HPSE2: variants seen among roughly 807,000 people sequenced by gnomAD.
The protein encoded by HPSE2 is heparanase 2 (inactive).
HPSE2 carries 38 observed loss-of-function variants against 60.5 expected under a neutral mutation model. The observed-to-expected ratio is 0.63, with a 90% CI of 0.48 to 0.82. The LOEUF (loss-of-function observed/expected upper bound fraction) is 0.82. HPSE2 is among the 40% of genes least tolerant of loss of function. The pLI is 0.00. For synonymous variants in HPSE2, 295 were observed against 293.2 expected, an observed-to-expected ratio of 1.01 and a Z score of -0.06; for missense variants, 713 against 740.4, an observed-to-expected ratio of 0.96 and a Z score of 0.43.
At chr10:98,590,038 G>A (rs1945045061) in intron 9 of HPSE2, among the ~76,000 whole-genome samples, 1 of 152,196 alleles carries the variant, frequency 6.6e-6, no homozygotes, top group Non-Finnish European at 1.5e-5. Flanking sequence ...CAGCTGTTGG[G>A]TCCAAGTTCC....
chr10:98,960,725 TATTTTTTTTA>T (rs1564692740), intron 3 of HPSE2, among the ~76,000 whole-genome samples: 26 of 46,290 alleles, frequency 5.6e-4, no homozygotes, highest in African/African-American at 2.7e-3. Flanking sequence ...TTTTTTGTTT[TATTTTTTTTA>T]TTTTATTTTT....
At chr10:98,820,825 C>T (rs894460614) in intron 3 of HPSE2, among the ~76,000 whole-genome samples, 2 of 152,162 alleles carry the variant, frequency 1.3e-5, no homozygotes, top group Admixed American at 6.5e-5. Context: ...GAGATAATCA[C>T]GAACTCTACT....
chr10:98,598,862 A>G (rs966813250), intron 9 of HPSE2, among the ~76,000 whole-genome samples: 6 of 151,886 alleles, frequency 4.0e-5, no homozygotes, highest in African/African-American at 2.4e-5. Flanking sequence ...GATCATGGGT[A>G]CTGGCTGGCA....
intron 6 of HPSE2, among the ~76,000 whole-genome samples, chr10:98,673,616 T>C (rs1669226923): frequency 6.6e-6 from 1 of 152,166 alleles, no homozygotes; most frequent in South Asian, 2.1e-4. Context: ...CCATCCTTCT[T>C]CTTTGGACCA....
chr10:99,052,394 C>T (rs978541628), intron 3 of HPSE2, among the ~76,000 whole-genome samples: 5 of 148,300 alleles, frequency 3.4e-5, no homozygotes, highest in African/African-American at 1.2e-4. Flanking sequence ...GAAAAAAAGA[C>T]AGGACAAAAT....
chr10:99,136,336 T>C (rs1845652304), intron 3 of HPSE2, among the ~76,000 whole-genome samples: 2 of 152,140 alleles, frequency 1.3e-5, no homozygotes, highest in Non-Finnish European at 2.9e-5. Context: ...TACCATTCCT[T>C]CTGAAACTAC....
In HPSE2 at chr10:99,185,773, C is replaced by CA. The variant is rs200522473; in HGVS notation, c.449-41375dup. Among the ~76,000 whole-genome samples the CA allele has an allele frequency of 2.3e-3, 335 of 143,652 alleles. 1 individual carries two copies. The highest frequency in any genetic ancestry group is 0.011 in the Middle Eastern group (3 of 280). The allele number at this position is 143,652 out of a possible 152,430, so 94.2% of individuals were successfully genotyped here. On this transcript the variant is annotated intron_variant, in intron 2 of 11. Coordinates refer to ENST00000370552, the MANE Select transcript of HPSE2 (RefSeq NM_021828.5). ...TGGGCGACAGAGTGAGACTCCATCTCAAAAAAAAAGAAAAAGAAAAAGAAA... is the reference window on the plus strand; with the variant it reads ...TGGGCGACAGAGTGAGACTCCATCTCAAAAAAAAAAGAAAAAGAAAAAGAAA...
chr10:99,304,239 A>G, the HPSE2 span, among the ~76,000 whole-genome samples: 1 of 152,188 alleles, frequency 6.6e-6, no homozygotes, highest in Admixed American at 6.5e-5. Flanking sequence ...CCATGGCAAC[A>G]CCCAGGAGTT....
At chr10:99,162,355 A>C (rs1440698714) in intron 2 of HPSE2, among the ~76,000 whole-genome samples, 1 of 152,218 alleles carries the variant, frequency 6.6e-6, no homozygotes. Context: ...TTCTCTGCAG[A>C]TTATATGAGA....
intron 9 of HPSE2, among the ~76,000 whole-genome samples, chr10:98,593,762 T>G (rs1224541169): frequency 1.3e-5 from 2 of 152,166 alleles, no homozygotes; most frequent in African/African-American, 4.8e-5. Context: ...TTCTTAACAA[T>G]AGATTGAAGA....
At chr10:99,060,890 T>C (rs1360784188) in intron 3 of HPSE2, among the ~76,000 whole-genome samples, 3 of 151,938 alleles carry the variant, frequency 2.0e-5, no homozygotes, top group Non-Finnish European at 4.4e-5. Flanking sequence ...AACTAAAAAT[T>C]AAAACAAATG....
chr10:98,605,032 T>C (rs1375165093), intron 9 of HPSE2, among the ~76,000 whole-genome samples: 1 of 152,218 alleles, frequency 6.6e-6, no homozygotes, highest in Non-Finnish European at 1.5e-5. Flanking sequence ...GAACATGTAT[T>C]ATTTGGGTAA....
intron 3 of HPSE2, among the ~76,000 whole-genome samples, chr10:98,801,190 G>C (rs1565172899): frequency 6.6e-6 from 1 of 151,974 alleles, no homozygotes; most frequent in African/African-American, 2.4e-5. Flanking sequence ...CAAATAACTA[G>C]GTACTGAAGG....
chr10:98,804,008 T>C lies in HPSE2; in HGVS notation c.611-59952A>G, dbSNP rs892918604. Among the ~76,000 whole-genome samples the C allele has an allele frequency of 5.5e-3, 834 of 152,008 alleles. 3 individuals are homozygous for C. Among genetic ancestry groups the C allele is most frequent in the African/African-American group, 0.019 (789 of 41,410 alleles). ...CCTCTTTTATTTCATTGAGCAGTGG[T>C]TTGTAGTTCTCCTTGAAGAGGTCCT... is the stretch of plus-strand genomic sequence containing the variant. On this transcript the variant is annotated intron_variant, in intron 3 of 11. Transcript: ENST00000370552.
intron 6 of HPSE2, among the ~76,000 whole-genome samples, chr10:98,671,974 T>C (rs947740104): frequency 3.9e-5 from 6 of 152,280 alleles, no homozygotes; most frequent in Non-Finnish European, 8.8e-5. Context: ...GAACAGGAAA[T>C]GCAAATATTG....
the HPSE2 span, among the ~76,000 whole-genome samples, chr10:99,291,582 G>GAAAAAAAAAAAAAAAAAAAAAAAAAAAAA: frequency 8.6e-6 from 1 of 115,840 alleles, no homozygotes; most frequent in South Asian, 3.0e-4. Context: ...GACTCCATCT[G>GAAAAAAAAAAAAAAAAAAAAAAAAAAAAA]AAAAAAAAAA....
chr10:98,865,823 G>A (rs1311548061), intron 3 of HPSE2, among the ~76,000 whole-genome samples: 1 of 152,098 alleles, frequency 6.6e-6, no homozygotes, highest in Non-Finnish European at 1.5e-5. Context: ...ACTCAGAGAG[G>A]TCTTGCCTCA....
intron 9 of HPSE2, among the ~76,000 whole-genome samples, chr10:98,506,744 G>A (rs934218548): frequency 9.2e-5 from 14 of 152,160 alleles, no homozygotes; most frequent in Non-Finnish European, 1.8e-4. Context: ...ATTTACAGGC[G>A]TCAGCTTCTG....
intron 3 of HPSE2, among the ~76,000 whole-genome samples, chr10:98,861,501 T>A (rs1952457457): frequency 6.6e-6 from 1 of 152,144 alleles, no homozygotes. Context: ...CCATAGAACT[T>A]CTAGAACACA....
Sources: gnomAD v4.1 joint callset for allele counts (sites outside exome capture counted in the v4.1 genomes callset) on GRCh38, gnomAD v4.1.1 for gene constraint, MANE v1.5 for transcripts, NCBI Gene and HGNC (gene_info 2026-07-23, HGNC 2026-07-21) for gene names.